The following CACNA1C variants were observed in gnomAD, a reference collection of about 807,000 sequenced individuals.
CACNA1C encodes the protein calcium voltage-gated channel subunit alpha1 C.
Under a neutral mutation model 229.0 loss-of-function variants are expected in CACNA1C, and 30 were observed. The ratio of observed to expected loss-of-function variants is 0.13; its 90% CI spans 0.10 to 0.18. The LOEUF (loss-of-function observed/expected upper bound fraction) is 0.18. Ranked by LOEUF, CACNA1C falls within the 10% of genes least tolerant of loss-of-function variation. The pLI, the probability that CACNA1C is intolerant of heterozygous loss-of-function variation, is 1.00. For missense variants in CACNA1C, 1,658 were observed against 2,845.0 expected (o/e 0.58, Z 9.49); for synonymous variants, 1,114 against 1,132.5 (o/e 0.98, Z 0.33).
intron 9 of CACNA1C, among the ~76,000 whole-genome samples, chr12:2,546,147 T>A (rs2099880510): frequency 6.6e-6 from 1 of 152,244 alleles, no homozygotes; most frequent in Admixed American, 6.5e-5. Flanking sequence ...TTCCGTGCAG[T>A]GGCTGGTGTC....
rs540273512 is a variant in CACNA1C, at chr12:1,988,589, T to A, written c.139+17388T>A. On this transcript the variant is annotated intron_variant, in intron 1 of 46. Coordinates refer to the CACNA1C transcript ENST00000682462. ...CTATTTCTTGTTTATTCTATCTCTT[T>A]CGTAAAATGGATCCTTCATCCTTTG... Among the ~76,000 whole-genome samples, 3 of 152,334 alleles carry A rather than the reference T, an allele frequency of 2.0e-5. No individual in the cohort carries two copies. The South Asian group carries it at 6.2e-4, about 32-fold the overall frequency.
intron 9 of CACNA1C, among the ~76,000 whole-genome samples, chr12:2,522,677 T>A (rs897935134): frequency 6.6e-6 from 1 of 152,142 alleles, no homozygotes; most frequent in Admixed American, 6.5e-5. Context: ...TTTTAGATTC[T>A]GAGTTTGGAT....
intron 9 of CACNA1C, among the ~76,000 whole-genome samples, chr12:2,519,918 T>C (rs908064456): frequency 6.6e-6 from 1 of 152,216 alleles, no homozygotes; most frequent in African/African-American, 2.4e-5. Flanking sequence ...CAAATGCCAT[T>C]TTCCCAGCCA....
intron 1 of CACNA1C, among the ~76,000 whole-genome samples, chr12:2,092,636 G>A (rs578111609): frequency 1.1e-4 from 17 of 152,304 alleles, no homozygotes; most frequent in Non-Finnish European, 2.4e-4. Flanking sequence ...TGACTCTTGG[G>A]TCCTTGTGTC....
intron 5 of CACNA1C, among the ~76,000 whole-genome samples, chr12:2,463,063 C>T (rs571126752): frequency 2.7e-5 from 4 of 148,136 alleles, no homozygotes; most frequent in South Asian, 4.5e-4. Flanking sequence ...TAGGCACCCG[C>T]CACCACGCCC....
intron 3 of CACNA1C, among the ~76,000 whole-genome samples, chr12:2,373,763 C>CT (rs2097936971): frequency 6.6e-6 from 1 of 152,168 alleles, no homozygotes. Context: ...TTCCTTTTGC[C>CT]TTTCCATTAG....
chr12:2,002,890 A>G (rs2042496626), intron 1 of CACNA1C, among the ~76,000 whole-genome samples: 1 of 152,204 alleles, frequency 6.6e-6, no homozygotes, highest in Non-Finnish European at 1.5e-5. Context: ...AACGAAGGTG[A>G]CACCTCGAAA....
intron 3 of CACNA1C, among the ~76,000 whole-genome samples, chr12:2,417,668 A>G (rs1028157174): frequency 3.9e-5 from 6 of 152,178 alleles, no homozygotes; most frequent in African/African-American, 1.4e-4. Flanking sequence ...GTGCTAATGT[A>G]TCATCCCTCC....
At chr12:2,611,109 G>A (rs975495355) in intron 28 of CACNA1C, among the ~76,000 whole-genome samples, 73 of 149,096 alleles carry the variant, frequency 4.9e-4, no homozygotes, top group African/African-American at 1.7e-3. Context: ...TGGAGAGAGG[G>A]GAGGAGATGG....
intron 18 of CACNA1C, among the ~76,000 whole-genome samples, chr12:2,586,116 T>C (rs1014675736): frequency 2.0e-5 from 3 of 152,212 alleles, no homozygotes; most frequent in Admixed American, 6.5e-5. Context: ...CATAATGAGA[T>C]CACATTTGAG....
rs1447522591 is a variant in CACNA1C at position 2,053,321 on chromosome 12, G to A, written c.-242G>A. 7 of 1,264,864 alleles carry A rather than the reference G, an allele frequency of 5.5e-6. No homozygotes were observed. The East Asian group carries it at 1.7e-4, about 31-fold the overall frequency. 78.4% of individuals were successfully genotyped at this position (1,264,864 alleles called of 1,614,324 possible). On this transcript the variant is annotated 5_prime_UTR_variant, in exon 1 of 47. Coordinates refer to ENST00000399655, the MANE Select transcript of CACNA1C (RefSeq NM_000719.7). The surrounding 1 kb of genome is among the most constrained non-coding windows in gnomAD (Gnocchi z 5.8). ...TTGGAAGGGGCCCGGATGTACTGAG[G>A]ATGCGTTACAGTTTCACTCGAGGAG...
chr12:1,970,978 G>T, exon 1 of CACNA1C: 1 of 899,312 alleles, frequency 1.1e-6, no homozygotes, highest in East Asian at 6.9e-5. Context: ...TAGCTTCTGG[G>T]TTTTAAAAAA....
chr12:2,251,324 G>T (rs751486537), intron 3 of CACNA1C, among the ~76,000 whole-genome samples: 1 of 152,176 alleles, frequency 6.6e-6, no homozygotes, highest in Non-Finnish European at 1.5e-5. Flanking sequence ...GCGGTCAATG[G>T]CTGGTCAGAG....
chr12:2,138,503 A>T (rs1044941003), intron 3 of CACNA1C, among the ~76,000 whole-genome samples: 6 of 151,074 alleles, frequency 4.0e-5, no homozygotes, highest in African/African-American at 1.5e-4. Flanking sequence ...TTGTGGGAGA[A>T]GGTGTCGAAG....
At position 2,252,661 on chromosome 12, in the gene CACNA1C, T is replaced by TTC. The variant is rs756786345; in HGVS notation, c.477+132233_477+132234dup. Among the ~76,000 whole-genome samples the TTC allele has an allele frequency of 5.9e-5, 9 of 152,308 alleles. No homozygotes were observed. The South Asian group carries it at 1.5e-3, about 25-fold the overall frequency. On this transcript the variant is annotated intron_variant, in intron 3 of 46. Transcript: ENST00000399655. ...GGTGGGTTCCAGGAGATTATTCAGG[T>TTC]TCTATGTAGAGCAAATTCCAGATCA...
chr12:2,024,962 G>A (rs1052446502), intron 1 of CACNA1C, among the ~76,000 whole-genome samples: 1 of 152,192 alleles, frequency 6.6e-6, no homozygotes, highest in Non-Finnish European at 1.5e-5. Context: ...CACTGTTCTT[G>A]TTTGGATTGC....
At chr12:2,624,596 T>C (rs1229892272) in intron 29 of CACNA1C, among the ~76,000 whole-genome samples, 1 of 152,258 alleles carries the variant, frequency 6.6e-6, no homozygotes, top group Non-Finnish European at 1.5e-5. Context: ...AGACATTCTC[T>C]TGGGCTAGGT....
At chr12:2,243,127 T>G (rs1017825788) in intron 3 of CACNA1C, among the ~76,000 whole-genome samples, 5 of 152,212 alleles carry the variant, frequency 3.3e-5, no homozygotes, top group African/African-American at 1.2e-4. Flanking sequence ...CTTACTTATA[T>G]GGGTTATTAC....
At chr12:2,197,074 A>G (rs2097428068) in intron 3 of CACNA1C, among the ~76,000 whole-genome samples, 1 of 152,248 alleles carries the variant, frequency 6.6e-6, no homozygotes, top group African/African-American at 2.4e-5. Context: ...GCTTTCCACG[A>G]GGTACAGGCT....
Sources: gnomAD v4.1 joint callset for allele counts (sites outside exome capture counted in the v4.1 genomes callset) on GRCh38, gnomAD v4.1.1 for gene constraint, Gnocchi (gnomAD v3.1) non-coding constraint, MANE v1.5 for transcripts, NCBI Gene and HGNC (gene_info 2026-07-23, HGNC 2026-07-21) for gene names.